The following MAP3K1 variants were observed in gnomAD, a reference collection of about 807,000 sequenced individuals.
The protein encoded by MAP3K1 is MAP/ERK kinase kinase 1.
Under a neutral mutation model 144.2 loss-of-function variants are expected in MAP3K1, and 36 were observed. The observed-to-expected ratio is 0.25, with a 90% CI of 0.19 to 0.33. MAP3K1 has a LOEUF of 0.33. MAP3K1 is among the 10% of genes least tolerant of loss of function. MAP3K1 has a pLI of 1.00. For missense variants in MAP3K1, 1,650 were observed against 1,881.9 expected, an observed-to-expected ratio of 0.88 and a Z score of 2.28; for synonymous variants, 718 against 688.7, an observed-to-expected ratio of 1.04 and a Z score of -0.67.
chr5:56,889,063 A>G (rs529941169), intron 19 of MAP3K1, among the ~76,000 whole-genome samples: 1 of 152,368 alleles, frequency 6.6e-6, no homozygotes, highest in South Asian at 2.1e-4. Context: ...ATGTATATGT[A>G]TGTGTGTATA....
At chr5:56,856,432 A>C (rs1747345554) in intron 1 of MAP3K1, among the ~76,000 whole-genome samples, 168 bp from the exon 2 acceptor site, 1 of 152,230 alleles carries the variant, frequency 6.6e-6, no homozygotes. Context: ...TCAGTAGTAT[A>C]TAATTCAGAA....
At chr5:56,818,396 C>T (rs1581201614) in intron 1 of MAP3K1, among the ~76,000 whole-genome samples, 1 of 151,840 alleles carries the variant, frequency 6.6e-6, no homozygotes, top group Non-Finnish European at 1.5e-5. Flanking sequence ...ATTCATACTT[C>T]CAAGAGGAAA....
At chr5:56,845,472 A>G (rs1289375412) in intron 1 of MAP3K1, among the ~76,000 whole-genome samples, 2 of 152,086 alleles carry the variant, frequency 1.3e-5, no homozygotes, top group Non-Finnish European at 2.9e-5. Flanking sequence ...CTTGCTGAGA[A>G]CACCCCTCCC....
At chr5:56,816,967 C>T in intron 1 of MAP3K1, 1 of 549,976 alleles carries the variant, frequency 1.8e-6, no homozygotes, top group Non-Finnish European at 2.3e-6. Flanking sequence ...CCCGCAGCCC[C>T]TCCGGCTTGG....
At chr5:56,889,946 A>G (rs1032300617) in intron 19 of MAP3K1, among the ~76,000 whole-genome samples, 31 of 151,962 alleles carry the variant, frequency 2.0e-4, no homozygotes, top group African/African-American at 6.8e-4. Flanking sequence ...CATTTCCTCT[A>G]TTCTTTCAGA....
At chr5:56,872,760 TA>T (rs757670111) in intron 8 of MAP3K1, 38 bp downstream of exon 8, 31 of 1,603,014 alleles carry the variant, frequency 1.9e-5, no homozygotes, top group Admixed American at 5.0e-5. Context: ...GTTTAATTTT[TA>T]AAAATTTCTC....
At chr5:56,856,540 C>T (rs1747348447) in intron 1 of MAP3K1, 60 bp from the exon 2 acceptor site, 2 of 1,438,246 alleles carry the variant, frequency 1.4e-6, no homozygotes, top group Non-Finnish European at 2.0e-6. Flanking sequence ...TCTGTTTGTT[C>T]TTGGAAATTA....
At chr5:56,860,217 T>C (rs1747464687) in intron 3 of MAP3K1, among the ~76,000 whole-genome samples, 1 of 152,222 alleles carries the variant, frequency 6.6e-6, no homozygotes, top group Non-Finnish European at 1.5e-5. Context: ...TATTCATTAT[T>C]GCTATGTATC....
intron 10 of MAP3K1, among the ~76,000 whole-genome samples, chr5:56,877,978 C>T (rs1026234733): frequency 2.6e-5 from 4 of 152,156 alleles, no homozygotes; most frequent in African/African-American, 9.7e-5. Flanking sequence ...ATGGAAGTTA[C>T]GTATTTTTCA....
chr5:56,818,877 A>T (rs752971484), intron 1 of MAP3K1, among the ~76,000 whole-genome samples: 1 of 152,198 alleles, frequency 6.6e-6, no homozygotes, highest in South Asian at 2.1e-4. Context: ...ATATCCTCAT[A>T]TAGCCCTCAG....
At chr5:56,827,114 G>A (rs1356119529) in intron 1 of MAP3K1, among the ~76,000 whole-genome samples, 1 of 152,216 alleles carries the variant, frequency 6.6e-6, no homozygotes, top group African/African-American at 2.4e-5. Flanking sequence ...GAAATCAGCA[G>A]TCTTAGGATG....
chr5:56,843,905 G>C (rs1047616834), intron 1 of MAP3K1, among the ~76,000 whole-genome samples: 15 of 152,170 alleles, frequency 9.9e-5, no homozygotes, highest in Admixed American at 8.5e-4. Flanking sequence ...ACTGGAGCCA[G>C]AGGGTCTGTA....
At position 56,887,388 on chromosome 5, in the gene MAP3K1, G is replaced by A. The variant is rs2111961650; in HGVS notation, c.4125G>A (p.Leu1375=). 1 of 1,614,102 alleles carries A rather than the reference G, an allele frequency of 6.2e-7. No individual in the cohort carries two copies. The change falls in exon 18 of 20, where the codon TTG becomes TTA. Residue 1375 remains leucine, a synonymous_variant. Coordinates refer to ENST00000399503, the MANE Select transcript of MAP3K1 (RefSeq NM_005921.2). The stretch of plus-strand genomic sequence containing the variant: ...TGTGTTTGTTGACAGGTGCCAATTT[G>A]CTAATTGACAGCACTGGTCAGAGAC... ...IIHRDVKGAN[L]LIDSTGQRLR...
Position 56,856,719 on chromosome 5 carries a change from G to T in MAP3K1, c.602G>T (p.Trp201Leu), listed in dbSNP as rs2111864363. The T allele has an allele frequency of 6.2e-7, 1 of 1,614,040 alleles. No individual in the cohort carries two copies. The highest frequency in any genetic ancestry group is 8.5e-7 in the Non-Finnish European group (1 of 1,179,906). ...ATCMPAWKHE[W>L]LERRNRRGPV... Reference sequence around the variant, plus strand: ...TGTATGCCAGCCTGGAAGCACGAATGGTTGGAAAGGAGAAATAGGCGAGGG... The same window carrying T: ...TGTATGCCAGCCTGGAAGCACGAATTGTTGGAAAGGAGAAATAGGCGAGGG... The change falls in exon 2 of 20, where the codon TGG (tryptophan) becomes TTG (leucine). Residue 201 changes from tryptophan to leucine, a missense_variant. This residue lies in a region of MAP3K1 where 148 missense variants were observed against 177.2 expected (regional missense o/e 0.84). Coordinates refer to ENST00000399503, the MANE Select transcript of MAP3K1 (RefSeq NM_005921.2).
chr5:56,866,755 G>A (rs891238009), intron 6 of MAP3K1, among the ~76,000 whole-genome samples: 2 of 152,126 alleles, frequency 1.3e-5, no homozygotes, highest in Admixed American at 1.3e-4. Context: ...TGACAGGGTC[G>A]TAACAAGGGT....
rs767840243 is a variant in MAP3K1, at chr5:56,881,286, T to C, written c.2369+14T>C. The C allele has an allele frequency of 5.0e-6, 8 of 1,602,750 alleles. No homozygotes were observed. On this transcript the variant is annotated intron_variant, in intron 13 of 19. Transcript: ENST00000399503. ...TGTTGAAATCAGGTAATTTTTCTTC[T>C]GAAAATGTATTACTTGTATCTTCCT... is the stretch of plus-strand genomic sequence containing the variant.
chr5:56,852,377 G>C (rs1561180148), intron 1 of MAP3K1, among the ~76,000 whole-genome samples: 2 of 152,110 alleles, frequency 1.3e-5, no homozygotes, highest in Admixed American at 6.5e-5. Context: ...GAAGCATCTT[G>C]GTTTTTAACA....
intron 1 of MAP3K1, among the ~76,000 whole-genome samples, chr5:56,841,247 G>A (rs1056309683): frequency 6.6e-5 from 10 of 150,444 alleles, no homozygotes; most frequent in Admixed American, 2.6e-4. Flanking sequence ...CATGTAAAAC[G>A]ATCTTAAAAT....
chr5:56,845,265 A>G (rs768755308), intron 1 of MAP3K1, among the ~76,000 whole-genome samples: 3 of 152,238 alleles, frequency 2.0e-5, no homozygotes, highest in Non-Finnish European at 2.9e-5. Flanking sequence ...ACCACTTAGA[A>G]GTATACTCAA....
Sources: allele counts gnomAD v4.1 joint callset (sites outside exome capture counted in the v4.1 genomes callset), GRCh38; gene constraint gnomAD v4.1.1; regional missense constraint gnomAD v4.1.1; transcripts MANE v1.5; gene names NCBI Gene and HGNC (gene_info 2026-07-23, HGNC 2026-07-21).